GRIP1: variants seen among roughly 807,000 people sequenced by gnomAD.
GRIP1 encodes the protein glutamate receptor-interacting protein 1.
A neutral mutation model predicts 129.9 loss-of-function variants in GRIP1; 45 were observed. The observed-to-expected ratio is 0.35, with a 90% CI of 0.27 to 0.44. The LOEUF (loss-of-function observed/expected upper bound fraction) is 0.44, where lower values mean the gene tolerates loss of function less well. GRIP1 is among the 20% of genes least tolerant of loss of function. The probability of loss-of-function intolerance (pLI) is 1.00; values close to 1 mark genes in which losing one functional copy is unlikely to be tolerated. For synonymous variants in GRIP1, 530 were observed against 520.8 expected (o/e 1.02, Z -0.24); for missense variants, 1,196 against 1,396.8 (o/e 0.86, Z 2.29).
At chr12:66,906,832 TTTTTA>T (rs2137293918) in intron 1 of GRIP1, among the ~76,000 whole-genome samples, 1 of 152,332 alleles carries the variant, frequency 6.6e-6, no homozygotes, top group African/African-American at 2.4e-5. Context: ...TCTTTTTAAC[TTTTTA>T]TTTTAAAGTA....
intron 1 of GRIP1, among the ~76,000 whole-genome samples, chr12:66,998,879 T>C (rs772914352): frequency 6.6e-6 from 1 of 152,208 alleles, no homozygotes; most frequent in Non-Finnish European, 1.5e-5. Flanking sequence ...CATTAAAACA[T>C]GCTCCAATGC....
intron 3 of GRIP1, among the ~76,000 whole-genome samples, chr12:66,541,109 G>A (rs1037895283): frequency 1.1e-4 from 17 of 152,142 alleles, no homozygotes; most frequent in Non-Finnish European, 1.8e-4. Context: ...GTCACTGCCC[G>A]GCCTGGCCTC....
chr12:66,762,289 G>A (rs745821100), intron 1 of GRIP1, among the ~76,000 whole-genome samples: 42 of 152,100 alleles, frequency 2.8e-4, no homozygotes, highest in Admixed American at 5.9e-4. Context: ...CAATTTACCT[G>A]GCCCCAAGGA....
chr12:66,822,798 C>T (rs1319597397), intron 1 of GRIP1, among the ~76,000 whole-genome samples: 1 of 151,932 alleles, frequency 6.6e-6, no homozygotes, highest in African/African-American at 2.4e-5. Context: ...GGAAGCAGAA[C>T]ATTGGGTACA....
chr12:66,733,718 T>C (rs776416919), intron 1 of GRIP1, among the ~76,000 whole-genome samples: 1 of 152,214 alleles, frequency 6.6e-6, no homozygotes, highest in Non-Finnish European at 1.5e-5. Flanking sequence ...CTAGCAGCTG[T>C]GTACAATATC....
chr12:66,365,605 CTA>C (rs1177842367), intron 23 of GRIP1, among the ~76,000 whole-genome samples: 1 of 152,180 alleles, frequency 6.6e-6, no homozygotes, highest in Non-Finnish European at 1.5e-5. Context: ...TTCCACAGTT[CTA>C]TGTTCCCCTG....
intron 1 of GRIP1, among the ~76,000 whole-genome samples, chr12:66,662,355 C>T (rs1051444707): frequency 7.9e-5 from 12 of 152,128 alleles, no homozygotes; most frequent in African/African-American, 1.2e-4. Context: ...TCCTGGCCCT[C>T]AAAAGTCTAT....
chr12:66,780,281 C>T (rs1311918745), intron 1 of GRIP1, among the ~76,000 whole-genome samples: 4 of 152,266 alleles, frequency 2.6e-5, no homozygotes, highest in South Asian at 4.2e-4. Context: ...CTGATGGATG[C>T]GGGAACAGGA....
At chr12:67,051,781 C>T (rs1383625803) in intron 1 of GRIP1, among the ~76,000 whole-genome samples, 2 of 152,178 alleles carry the variant, frequency 1.3e-5, no homozygotes, top group African/African-American at 2.4e-5. Flanking sequence ...AGAAGCTTTG[C>T]TGTTTTTTGT....
At chr12:67,006,466 T>C (rs1318645928) in intron 1 of GRIP1, among the ~76,000 whole-genome samples, 2 of 151,986 alleles carry the variant, frequency 1.3e-5, no homozygotes, top group African/African-American at 4.8e-5. Flanking sequence ...CGGAGTGGTA[T>C]AAAGGTGTGT....
At chr12:66,926,368 G>A (rs1043436940) in intron 1 of GRIP1, among the ~76,000 whole-genome samples, 2 of 152,146 alleles carry the variant, frequency 1.3e-5, no homozygotes, top group Non-Finnish European at 1.5e-5. Flanking sequence ...CCCATAGCTC[G>A]AAGCTAGCTA....
intron 1 of GRIP1, among the ~76,000 whole-genome samples, chr12:66,746,553 A>T (rs1165906746): frequency 2.0e-5 from 3 of 152,182 alleles, no homozygotes; most frequent in African/African-American, 7.2e-5. Flanking sequence ...TTGTTAAGGC[A>T]CTAAGTGGGA....
At chr12:66,704,954 C>T (rs1310269754) in intron 1 of GRIP1, among the ~76,000 whole-genome samples, 2 of 151,968 alleles carry the variant, frequency 1.3e-5, no homozygotes, top group Non-Finnish European at 2.9e-5. Context: ...CTTGTTCTGA[C>T]AATAGTTTGT....
intron 2 of GRIP1, among the ~76,000 whole-genome samples, chr12:66,561,288 T>C (rs12812897): frequency 0.23 from 35,110 of 151,994 alleles, 4,338 homozygotes; most frequent in Admixed American, 0.27. Flanking sequence ...CAGGTGACTA[T>C]AGTCGATAAT....
intron 1 of GRIP1, among the ~76,000 whole-genome samples, chr12:66,648,090 C>A (rs546817573): frequency 1.3e-4 from 20 of 152,238 alleles, no homozygotes; most frequent in Admixed American, 3.3e-4. Context: ...CTCCCTCCAC[C>A]AGTGCCTTCT....
intron 1 of GRIP1, among the ~76,000 whole-genome samples, chr12:67,002,015 T>C (rs1372506833): frequency 6.6e-6 from 1 of 151,768 alleles, no homozygotes; most frequent in East Asian, 1.9e-4. Context: ...ATAGAGAGCT[T>C]TGCACATGGA....
intron 11 of GRIP1, among the ~76,000 whole-genome samples, chr12:66,447,327 C>G (rs2058659086): frequency 6.6e-6 from 1 of 152,200 alleles, no homozygotes; most frequent in South Asian, 2.1e-4. Context: ...ACTGTTGTTA[C>G]TAAGTTGCTG....
At chr12:66,462,106 T>G (rs1417180751) in intron 9 of GRIP1, among the ~76,000 whole-genome samples, 1 of 152,090 alleles carries the variant, frequency 6.6e-6, no homozygotes, top group African/African-American at 2.4e-5. Flanking sequence ...TTCAAGGGAG[T>G]CAAAATACAG....
intron 1 of GRIP1, among the ~76,000 whole-genome samples, chr12:66,962,886 CA>C (rs1414960608): frequency 6.6e-6 from 1 of 152,100 alleles, no homozygotes; most frequent in Non-Finnish European, 1.5e-5. Flanking sequence ...CATACATATT[CA>C]AAAACATAGC....
Sources: gnomAD v4.1 joint callset for allele counts (sites outside exome capture counted in the v4.1 genomes callset) on GRCh38, gnomAD v4.1.1 for gene constraint, MANE v1.5 for transcripts, NCBI Gene and HGNC (gene_info 2026-07-23, HGNC 2026-07-21) for gene names.